Variants in PLEKHG1 observed in about 807,000 individuals in gnomAD.
PLEKHG1 encodes pleckstrin homology domain-containing family G member 1.
PLEKHG1 carries 44 observed loss-of-function variants against 100.8 expected under a neutral mutation model. The ratio of observed to expected loss-of-function variants is 0.44; its 90% CI spans 0.34 to 0.56. PLEKHG1 has a LOEUF of 0.56. PLEKHG1 is among the 20% of genes least tolerant of loss of function. The pLI is 0.01. For missense variants in PLEKHG1, 1,545 were observed against 1,720.9 expected, an observed-to-expected ratio of 0.90 and a Z score of 1.81; for synonymous variants, 640 against 662.5, an observed-to-expected ratio of 0.97 and a Z score of 0.52.
At chr6:150,757,540 TTGTC>T (rs1783910801) in intron 2 of PLEKHG1, among the ~76,000 whole-genome samples, 1 of 151,138 alleles carries the variant, frequency 6.6e-6, no homozygotes, top group African/African-American at 2.5e-5. Context: ...AAAACCCAGA[TTGTC>T]TGTGGTGCAC....
intron 3 of PLEKHG1, among the ~76,000 whole-genome samples, chr6:150,776,079 C>T (rs1244677979): frequency 6.6e-6 from 1 of 152,162 alleles, no homozygotes; most frequent in Non-Finnish European, 1.5e-5. Context: ...TAATACAATT[C>T]CTGCCTCAAA....
intron 1 of PLEKHG1, among the ~76,000 whole-genome samples, chr6:150,632,786 A>G (rs1777817088): frequency 6.6e-6 from 1 of 152,162 alleles, no homozygotes; most frequent in Non-Finnish European, 1.5e-5. Context: ...TTTAAAGAAT[A>G]CTTTATAAGA....
exon 2 of PLEKHG1, chr6:150,733,931 G>C: frequency 6.2e-7 from 1 of 1,614,190 alleles, no homozygotes; most frequent in Non-Finnish European, 8.5e-7. Flanking sequence ...TGAGGGCAGC[G>C]AAAGGCCACC....
At chr6:150,613,459 G>T (rs911114420) in intron 1 of PLEKHG1, among the ~76,000 whole-genome samples, 1 of 152,188 alleles carries the variant, frequency 6.6e-6, no homozygotes, top group Non-Finnish European at 1.5e-5. Flanking sequence ...TGAAACACTT[G>T]TTGACTAAAT....
Position 150,654,132 on chromosome 6 carries a change from G to A in PLEKHG1, c.-99+3346G>A, listed in dbSNP as rs117233682. ...GGCATCAGGGTAGAGCTGCCACTTA[G>A]GGCACACAGCACAGGACTGCCCGGG... On this transcript the variant is annotated intron_variant, in intron 3 of 3. Coordinates refer to the PLEKHG1 transcript ENST00000367326. Among the ~76,000 whole-genome samples the A allele has an allele frequency of 9.7e-3, 1,482 of 152,238 alleles. 20 individuals carry two copies. Among genetic ancestry groups the A allele is most frequent in the South Asian group, 0.062 (298 of 4,824 alleles).
At chr6:150,781,840 C>T (rs1383075312) in intron 3 of PLEKHG1, among the ~76,000 whole-genome samples, 4 of 150,722 alleles carry the variant, frequency 2.7e-5, no homozygotes, top group Non-Finnish European at 4.4e-5. Context: ...GGCCCGATCT[C>T]GGCTCACTGC....
chr6:150,818,158 T>A (rs1367586516), intron 10 of PLEKHG1, 25 bp from the exon 12 acceptor site: 2 of 1,593,988 alleles, frequency 1.3e-6, no homozygotes, highest in East Asian at 4.5e-5. Context: ...CAATTGGAAT[T>A]ACAGCTCTAC....
At chr6:150,634,920 C>T (rs1202609363) in intron 1 of PLEKHG1, among the ~76,000 whole-genome samples, 1 of 152,138 alleles carries the variant, frequency 6.6e-6, no homozygotes, top group Admixed American at 6.5e-5. Flanking sequence ...GTTATTCTTC[C>T]AAGAAGAGTT....
chr6:150,684,432 A>C (rs1220960539), intron 3 of PLEKHG1, among the ~76,000 whole-genome samples: 1 of 152,218 alleles, frequency 6.6e-6, no homozygotes, highest in Non-Finnish European at 1.5e-5. Context: ...CTTGGGGACT[A>C]GTATTTGAAA....
intron 1 of PLEKHG1, among the ~76,000 whole-genome samples, chr6:150,601,990 C>G (rs1341537267): frequency 1.3e-5 from 2 of 152,150 alleles, no homozygotes; most frequent in Non-Finnish European, 2.9e-5. Context: ...GTTAAATGAT[C>G]ATTTTTAAAA....
Position 150,650,690 on chromosome 6 carries a change from T to TTAAGTAAATATAAGTAAATA in PLEKHG1, c.-157-30_-157-29insTATAAGTAAATATAAGTAAA, listed in dbSNP as rs1208129326. The stretch of plus-strand genomic sequence containing the variant: ...TAAAAGAATTCTGAGAAAGCAATAT[T>TTAAGTAAATATAAGTAAATA]TAAGTAAAAAGCAATTTATTTTTTG... On this transcript the variant is annotated intron_variant, in intron 2 of 3. Transcript: ENST00000367326. 7 of 152,174 alleles carry TTAAGTAAATATAAGTAAATA rather than the reference T, an allele frequency of 4.6e-5. No homozygotes were observed. The East Asian group carries it at 1.3e-3, about 29-fold the overall frequency. 9.4% of individuals were successfully genotyped at this position (152,174 alleles called of 1,614,324 possible). A position where few individuals can be genotyped will look rare whatever the true frequency, so the allele number is the denominator to read the frequency against.
chr6:150,684,053 C>T (rs1011407142), intron 3 of PLEKHG1, among the ~76,000 whole-genome samples: 1 of 152,198 alleles, frequency 6.6e-6, no homozygotes, highest in African/African-American at 2.4e-5. Context: ...AGTCTATGTG[C>T]TGGGTACATA....
chr6:150,612,801 C>T (rs981987504), intron 1 of PLEKHG1, among the ~76,000 whole-genome samples: 1 of 152,154 alleles, frequency 6.6e-6, no homozygotes, highest in Non-Finnish European at 1.5e-5. Flanking sequence ...CTCCAGCATC[C>T]AGATTTATAT....
intron 6 of PLEKHG1, among the ~76,000 whole-genome samples, chr6:150,804,175 A>ATATATAT (rs1173213745): frequency 2.3e-5 from 1 of 43,176 alleles, no homozygotes; most frequent in African/African-American, 9.9e-5. Flanking sequence ...ATATATATAT[A>ATATATAT]TTTTTTTTTT....
chr6:150,758,677 G>T (rs1241581330), intron 2 of PLEKHG1, among the ~76,000 whole-genome samples: 1 of 152,210 alleles, frequency 6.6e-6, no homozygotes, highest in Non-Finnish European at 1.5e-5. Context: ...CTAAGCATGA[G>T]ATGGTATCTT....
chr6:150,799,395 G>A lies in PLEKHG1; in HGVS notation c.630-1324G>A, dbSNP rs190572798. On this transcript the variant is annotated intron_variant, in intron 5 of 15. Coordinates refer to ENST00000358517, the Ensembl canonical transcript of PLEKHG1. ...CCAGTCACACCTCAGTGATTTTGCT[G>A]TGAAGAGCCACAAGCTCCCACACTC... 1.2e-4 allele frequency among the ~76,000 whole-genome samples: 19 copies of A among 152,292 alleles called. No homozygotes were observed. The East Asian group carries it at 3.5e-3, about 28-fold the overall frequency.
At chr6:150,721,136 T>C (rs1781653653) in exon 1 of PLEKHG1, 3 of 985,348 alleles carry the variant, frequency 3.0e-6, no homozygotes, top group African/African-American at 3.5e-5. Flanking sequence ...CTGTTTCTTT[T>C]ACCTGACTGA....
rs1340507214 is a variant in PLEKHG1, at chr6:150,814,684, C to A, written c.1279-3499C>A. Among the ~76,000 whole-genome samples, 3 of 152,294 alleles carry A rather than the reference C, an allele frequency of 2.0e-5. No homozygotes were observed. In the East Asian group the frequency reaches 5.8e-4, roughly 29 times the overall value. ...CAAAGAGCATCCTAACCACATTATTCCCACTGGCAATAAAAACACCTTTTT... is the reference window on the plus strand; with the variant it reads ...CAAAGAGCATCCTAACCACATTATTACCACTGGCAATAAAAACACCTTTTT... On this transcript the variant is annotated intron_variant, in intron 10 of 15. Transcript: ENST00000358517.
chr6:150,639,813 G>A (rs963832940), intron 2 of PLEKHG1, among the ~76,000 whole-genome samples: 1 of 152,218 alleles, frequency 6.6e-6, no homozygotes, highest in Non-Finnish European at 1.5e-5. Context: ...AAGCAATGGA[G>A]CCATGGACCA....
Sources: gnomAD v4.1 joint callset for allele counts (sites outside exome capture counted in the v4.1 genomes callset) on GRCh38, gnomAD v4.1.1 for gene constraint, MANE v1.5 for transcripts, NCBI Gene and HGNC (gene_info 2026-07-23, HGNC 2026-07-21) for gene names.